The following TIE1 variants were observed in gnomAD, a reference collection of about 807,000 sequenced individuals.
TIE1 encodes the protein tyrosine kinase with immunoglobulin like and EGF like domains 1.
In TIE1, 89 loss-of-function variants were observed where a neutral mutation model predicts 130.5. That is an observed-to-expected ratio of 0.68 (90% CI 0.57 to 0.81). The LOEUF (loss-of-function observed/expected upper bound fraction) is 0.81, where lower values mean the gene tolerates loss of function less well. Ranked by LOEUF, TIE1 falls within the 40% of genes least tolerant of loss-of-function variation. The pLI is 0.00. For missense variants in TIE1, 1,392 were observed against 1,559.8 expected (o/e 0.89, Z 1.81); for synonymous variants, 568 against 629.4 (o/e 0.90, Z 1.46).
chr1:43,303,268 C>G (rs1388182816), intron 1 of TIE1, among the ~76,000 whole-genome samples: 10 of 152,154 alleles, frequency 6.6e-5, no homozygotes, highest in Non-Finnish European at 2.9e-5. Flanking sequence ...AATGCAGGTC[C>G]AAGCTGAAAG....
At chr1:43,321,032 C>CAAAAAAA (rs752698629) in intron 19 of TIE1, among the ~76,000 whole-genome samples, 10 of 97,380 alleles carry the variant, frequency 1.0e-4, no homozygotes, top group African/African-American at 2.3e-4. Flanking sequence ...GACCCTGTCT[C>CAAAAAAA]AAAAAAAAAA....
Position 43,304,973 on chromosome 1 carries a change from C to T in TIE1, c.181C>T (p.Leu61=), listed in dbSNP as rs1646710148. ...GRGSDAWGPP[L]LLEKDDRIVR... Reference sequence around the variant, plus strand: ...GGGCTCGGACGCCTGGGGCCCGCCCCTGCTGCTGGAGAAGGACGACCGTAT... The same window carrying T: ...GGGCTCGGACGCCTGGGGCCCGCCCTTGCTGCTGGAGAAGGACGACCGTAT... The change falls in exon 2 of 23, where the codon CTG becomes TTG. Residue 61 remains leucine, a synonymous_variant. Coordinates refer to ENST00000372476, the MANE Select transcript of TIE1 (RefSeq NM_005424.5). 2 of 1,475,270 alleles carry T rather than the reference C, an allele frequency of 1.4e-6. No individual in the cohort carries two copies. The highest frequency in any genetic ancestry group is 1.8e-4 in the Middle Eastern group (1 of 5,436). 91.4% of individuals were successfully genotyped at this position (1,475,270 alleles called of 1,614,324 possible). A position where few individuals can be genotyped will look rare whatever the true frequency, so the allele number is the denominator to read the frequency against.
Position 43,313,544 on chromosome 1 carries a change from A to G in TIE1, c.2218+119A>G, listed in dbSNP as rs1016873063. 57 of 1,297,762 alleles carry G rather than the reference A, an allele frequency of 4.4e-5. No individual in the cohort carries two copies. The highest frequency in any genetic ancestry group is 5.7e-5 in the Non-Finnish European group (54 of 945,458). 80.4% of individuals were successfully genotyped at this position (1,297,762 alleles called of 1,614,324 possible). On this transcript the variant is annotated intron_variant, in intron 13 of 22. Transcript: ENST00000372476. The surrounding 1 kb of genome is among the most constrained non-coding windows in gnomAD (Gnocchi z 6.2). ...GCATCCCAGGCCCCTCCTGACAAAG[A>G]GTCAGCCCCAGTCCTGGGGACTCAG...
At position 43,311,672 on chromosome 1, in the gene TIE1, GC is replaced by G; in HGVS notation, c.1341del (p.Val448CysfsTer9). 1.2e-6 allele frequency: 2 copies of G among 1,611,374 alleles called. No homozygotes were observed. The highest frequency in any genetic ancestry group is 8.5e-7 in the Non-Finnish European group (1 of 1,179,152). The part of the protein sequence containing the change: ...SRRFKVNVKV[P>X]PVPLAAPRLL... ...GCCTTACCCTGAGTCTCCTGGCAGT[GC>G]CCCCCGTGCCCCTGGCTGCACCTCG... On this transcript the variant is annotated frameshift_variant and splice_region_variant, in exon 10 of 23. Coordinates refer to ENST00000372476, the MANE Select transcript of TIE1 (RefSeq NM_005424.5). LOFTEE classifies it high-confidence loss of function.
At chr1:43,321,032 C>CAAAAAAAAAAAAAAAA (rs752698629) in intron 19 of TIE1, among the ~76,000 whole-genome samples, 1 of 97,372 alleles carries the variant, frequency 1.0e-5, no homozygotes, top group Non-Finnish European at 2.0e-5. Flanking sequence ...GACCCTGTCT[C>CAAAAAAAAAAAAAAAA]AAAAAAAAAA....
Position 43,318,107 on chromosome 1 carries a change from G to T in TIE1, c.2922+35G>T. ...AGTGGGGGCGGGTGGAGGCCAGAGG[G>T]GGAAGCCACTGGGCTGGTGTCAGTG... is the stretch of plus-strand genomic sequence containing the variant. On this transcript the variant is annotated intron_variant, in intron 17 of 22. Transcript: ENST00000372476. The surrounding 1 kb of genome is among the most constrained non-coding windows in gnomAD (Gnocchi z 4.4). 1 of 1,515,032 alleles carries T rather than the reference G, an allele frequency of 6.6e-7. No individual in the cohort carries two copies. The highest frequency in any genetic ancestry group is 1.3e-5 in the South Asian group (1 of 75,424). The allele number at this position is 1,515,032 out of a possible 1,614,324, so 93.8% of individuals were successfully genotyped here. A position where few individuals can be genotyped will look rare whatever the true frequency, so the allele number is the denominator to read the frequency against.
At chr1:43,321,789 AC>A (rs1646923536) in intron 22 of TIE1, 74 bp downstream of exon 22, 1 of 1,406,008 alleles carries the variant, frequency 7.1e-7, no homozygotes, top group Admixed American at 2.0e-5. Flanking sequence ...AGGTGCCATG[AC>A]CCCTGTCCCA....
chr1:43,301,019 C>A lies in TIE1; in HGVS notation c.-53C>A. ...ACAGGCTGAGCAGTCAGGCCCACAG[C>A]ATCTGACCCCAGGCCCAGCTCGTCC... On this transcript the variant is annotated 5_prime_UTR_variant, in exon 1 of 23. Transcript: ENST00000372476. 1 of 1,600,140 alleles carries A rather than the reference C, an allele frequency of 6.2e-7. No homozygotes were observed. Among genetic ancestry groups the A allele is most frequent in the Non-Finnish European group, 8.6e-7 (1 of 1,168,434 alleles).
Position 43,319,733 on chromosome 1 carries a change from A to G in TIE1, c.3107+204A>G, listed in dbSNP as rs368923367. 43 of 603,966 alleles carry G rather than the reference A, an allele frequency of 7.1e-5. No individual in the cohort carries two copies. In the East Asian group the frequency reaches 8.4e-4, roughly 12 times the overall value. 37.4% of individuals were successfully genotyped at this position (603,966 alleles called of 1,614,324 possible). On this transcript the variant is annotated intron_variant, in intron 19 of 22. Coordinates refer to ENST00000372476, the MANE Select transcript of TIE1 (RefSeq NM_005424.5). The surrounding 1 kb of genome is among the most constrained non-coding windows in gnomAD (Gnocchi z 4.7). The stretch of plus-strand genomic sequence containing the variant: ...GAGTCTTGGAAGGTGTTTCAGGAAT[A>G]GGACTGGGGTAAAGGTAGTTTCGGA...
Position 43,312,583 on chromosome 1 carries a change from G to A in TIE1, c.1909G>A (p.Val637Met), listed in dbSNP as rs367890141. 109 of 1,607,442 alleles carry A rather than the reference G, an allele frequency of 6.8e-5. No homozygotes were observed. The highest frequency in any genetic ancestry group is 1.2e-4 in the Admixed American group (7 of 59,636). The change falls in exon 12 of 23, where the codon GTG becomes ATG. Residue 637 changes from valine (V) to methionine (M), a missense_variant. This residue lies in a region of TIE1 where 551 missense variants were observed against 565.5 expected (regional missense o/e 0.97). Coordinates refer to ENST00000372476, the MANE Select transcript of TIE1 (RefSeq NM_005424.5). This position sits in a 1 kb window ranked among gnomAD's most constrained non-coding sequence, Gnocchi z 5.6. ...GGGCCCGGCCTCGCCCCCTGCACAC[G>A]TGCTTCTGCCCCCCAGTGGTATGTG... ...LLGPASPPAH[V>M]LLPPSGPPAP...
chr1:43,313,600 G>C lies in TIE1; in HGVS notation c.2218+175G>C, dbSNP rs533482685. On this transcript the variant is annotated intron_variant, in intron 13 of 22. Transcript: ENST00000372476. This position sits in a 1 kb window ranked among gnomAD's most constrained non-coding sequence, Gnocchi z 6.2. Reference sequence around the variant, plus strand: ...CATTCTCATGATCCACTGTCCCAGGGCTGGGAAAATCATGTCGCCCCTCTG... The same window carrying C: ...CATTCTCATGATCCACTGTCCCAGGCCTGGGAAAATCATGTCGCCCCTCTG... 1 of 1,078,524 alleles carries C rather than the reference G, an allele frequency of 9.3e-7. No homozygotes were observed. Among genetic ancestry groups the C allele is most frequent in the Admixed American group, 2.7e-5 (1 of 36,960 alleles). The allele number at this position is 1,078,524 out of a possible 1,614,324, so 66.8% of individuals were successfully genotyped here. A position where few individuals can be genotyped will look rare whatever the true frequency, so the allele number is the denominator to read the frequency against.
Position 43,317,235 on chromosome 1 carries a change from T to C in TIE1, c.2446T>C (p.Leu816=), listed in dbSNP as rs36125168. The C allele has an allele frequency of 1.0e-4, 167 of 1,614,104 alleles. No homozygotes were observed. In the Middle Eastern group the frequency reaches 4.6e-3, roughly 45 times the overall value. ...ETILQFSSGT[L]TLTRRPKLQP... The stretch of plus-strand genomic sequence containing the variant: ...CATCCTGCAGTTCAGCTCAGGGACC[T>C]TGACACTTACCCGGCGGCCAAAACT... The change falls in exon 15 of 23, where the codon TTG becomes CTG. Residue 816 remains leucine, a synonymous_variant. Transcript: ENST00000372476. The surrounding 1 kb of genome is among the most constrained non-coding windows in gnomAD (Gnocchi z 5.1).
rs1392833372 is a variant in TIE1, at chr1:43,317,461, A to G, written c.2620+52A>G. 1 of 1,612,570 alleles carries G rather than the reference A, an allele frequency of 6.2e-7. No individual in the cohort carries two copies. The highest frequency in any genetic ancestry group is 1.1e-5 in the South Asian group (1 of 91,034). On this transcript the variant is annotated intron_variant, in intron 15 of 22. Transcript: ENST00000372476. The surrounding 1 kb of genome is among the most constrained non-coding windows in gnomAD (Gnocchi z 5.1). ...CCCTGATGCTCTCCTTTGTCCCACA[A>G]ATCCCAGGCCCCACCTGGCTTCCTC...
chr1:43,305,919 A>G (rs932516589), intron 3 of TIE1, among the ~76,000 whole-genome samples: 3 of 151,894 alleles, frequency 2.0e-5, no homozygotes, highest in African/African-American at 4.8e-5. Context: ...CAGATTCACA[A>G]CCCCTTGGCT....
At chr1:43,321,193 C>T in intron 19 of TIE1, 76 bp from the exon 20 acceptor site, 1 of 1,512,940 alleles carries the variant, frequency 6.6e-7, no homozygotes, top group South Asian at 1.1e-5. Flanking sequence ...AGGCACTGCA[C>T]ATCTTGGGCA....
In TIE1 at chr1:43,319,859, T is replaced by G. The variant is rs1406247725; in HGVS notation, c.3107+330T>G. On this transcript the variant is annotated intron_variant, in intron 19 of 22. Coordinates refer to ENST00000372476, the MANE Select transcript of TIE1 (RefSeq NM_005424.5). The surrounding 1 kb of genome is among the most constrained non-coding windows in gnomAD (Gnocchi z 4.7). ...AGAGGCCACTCAGGAATTGCTCTCA[T>G]CTTCCTCCCTGAAGGGCAAGGTCAT... The G allele has an allele frequency of 2.8e-6, 1 of 354,868 alleles. No individual in the cohort carries two copies. The highest frequency in any genetic ancestry group is 2.1e-5 in the African/African-American group (1 of 47,812). 22.0% of individuals were successfully genotyped at this position (354,868 alleles called of 1,614,324 possible).
chr1:43,312,012 T>C lies in TIE1; in HGVS notation c.1511T>C (p.Val504Ala). 6.3e-7 allele frequency: 1 copy of C among 1,597,490 alleles called. No individual in the cohort carries two copies. The highest frequency in any genetic ancestry group is 1.1e-5 in the South Asian group (1 of 89,188). ...CGCCCAGTGGACCCCAGTGAGAACG[T>C]GACGTTAATGAACCTGAGGCCAAAG... Reference protein sequence around the residue: ...STIVVDPSENVTLMNLRPKTG... With the variant: ...STIVVDPSENATLMNLRPKTG... The change falls in exon 11 of 23, where the codon GTG becomes GCG. Residue 504 changes from valine to alanine, a missense_variant. This residue lies in a region of TIE1 where 551 missense variants were observed against 565.5 expected (regional missense o/e 0.97). Coordinates refer to ENST00000372476, the MANE Select transcript of TIE1 (RefSeq NM_005424.5). The surrounding 1 kb of genome is among the most constrained non-coding windows in gnomAD (Gnocchi z 5.6).
Position 43,314,053 on chromosome 1 carries a change from TTGTGTGTGTG to T in TIE1, c.2409+99_2409+108del, listed in dbSNP as rs138876276. On this transcript the variant is annotated intron_variant, in intron 14 of 22. Transcript: ENST00000372476. ...GTGTACACACAATACCTTGTACACC[TTGTGTGTGTG>T]TGTGTGTGTGTGTTTATGTTGCAGG... 274 of 1,243,652 alleles carry T rather than the reference TTGTGTGTGTG, an allele frequency of 2.2e-4. 2 individuals carry two copies. The South Asian group carries it at 3.2e-3, about 14-fold the overall frequency. The allele number at this position is 1,243,652 out of a possible 1,614,324, so 77.0% of individuals were successfully genotyped here.
In TIE1 at chr1:43,306,464, C is replaced by G. The variant is rs1646729136; in HGVS notation, c.485-376C>G. Among the ~76,000 whole-genome samples the G allele has an allele frequency of 6.6e-6, 1 of 152,068 alleles. No individual in the cohort carries two copies. The highest frequency in any genetic ancestry group is 2.1e-4 in the South Asian group (1 of 4,820). ...TTCAGCAGAGGAGTTAGAGAGGAGT[C>G]TGTTGTAAAAAATCACCCTGGCTGC... On this transcript the variant is annotated intron_variant, in intron 3 of 22. Transcript: ENST00000372476. The surrounding 1 kb of genome is among the most constrained non-coding windows in gnomAD (Gnocchi z 4.9).
Sources: allele counts gnomAD v4.1 joint callset (sites outside exome capture counted in the v4.1 genomes callset), GRCh38; gene constraint gnomAD v4.1.1; regional missense constraint gnomAD v4.1.1; non-coding constraint Gnocchi (gnomAD v3.1); transcripts MANE v1.5; gene names NCBI Gene and HGNC (gene_info 2026-07-23, HGNC 2026-07-21).